DIO2: variants seen among roughly 807,000 people sequenced by gnomAD.
DIO2 encodes the protein type II iodothyronine deiodinase.
In DIO2, 19 loss-of-function variants were observed where a neutral mutation model predicts 21.4. The observed-to-expected ratio is 0.89, with a 90% CI of 0.62 to 1.30. DIO2 has a LOEUF of 1.30. Among genes scored for constraint, DIO2 ranks in the 50% most tolerant of loss-of-function variants. The pLI is 0.00. For missense variants in DIO2, 302 were observed against 338.1 expected, an observed-to-expected ratio of 0.89 and a Z score of 0.84; for synonymous variants, 122 against 132.9, an observed-to-expected ratio of 0.92 and a Z score of 0.57.
intron 2 of DIO2, among the ~76,000 whole-genome samples, chr14:80,224,759 T>A (rs1046825512): frequency 3.3e-5 from 5 of 152,210 alleles, no homozygotes; most frequent in African/African-American, 1.2e-4. Context: ...TGTTCCTGTT[T>A]TGTAAAAACT....
Position 80,201,507 on chromosome 14 carries a change from A to T in DIO2, c.*1182T>A, listed in dbSNP as rs1887722484. 6.6e-6 allele frequency: 1 copy of T among 152,166 alleles called. No homozygotes were observed. The highest frequency in any genetic ancestry group is 2.4e-5 in the African/African-American group (1 of 41,432). 9.4% of individuals were successfully genotyped at this position (152,166 alleles called of 1,614,324 possible). On this transcript the variant is annotated 3_prime_UTR_variant, in exon 2 of 2. Coordinates refer to ENST00000438257, the MANE Select transcript of DIO2 (RefSeq NM_013989.5). ...TACATATATTTGTATGTATGTATGT[A>T]TGTGTGTATGTACGTATAATTTCTT...
chr14:80,228,811 A>G lies in DIO2; in HGVS notation c.-277-12074T>C, dbSNP rs147344227. Among the ~76,000 whole-genome samples the G allele has an allele frequency of 2.5e-4, 38 of 152,280 alleles. No individual in the cohort carries two copies. In the East Asian group the frequency reaches 6.0e-3, roughly 24 times the overall value. ...AAACTCGATTAATTATCTGACCTCTATAAGTCCCTACTTTAACTGGAGGAC... is the reference window on the plus strand; with the variant it reads ...AAACTCGATTAATTATCTGACCTCTGTAAGTCCCTACTTTAACTGGAGGAC... On this transcript the variant is annotated intron_variant, in intron 2 of 4. Transcript: ENST00000553594.
At position 80,201,794 on chromosome 14, in the gene DIO2, C is replaced by T. The variant is rs1887734906; in HGVS notation, c.*895G>A. The T allele has an allele frequency of 6.6e-6, 1 of 152,130 alleles. No homozygotes were observed. The highest frequency in any genetic ancestry group is 2.4e-5 in the African/African-American group (1 of 41,414). The allele number at this position is 152,130 out of a possible 1,614,324, so 9.4% of individuals were successfully genotyped here. A position where few individuals can be genotyped will look rare whatever the true frequency, so the allele number is the denominator to read the frequency against. ...TTTTTCTTTCAATCACCCCTTTCTC[C>T]TCTCTAGGAGCATATGACAAATATA... On this transcript the variant is annotated 3_prime_UTR_variant, in exon 2 of 2. Coordinates refer to ENST00000438257, the MANE Select transcript of DIO2 (RefSeq NM_013989.5).
chr14:80,229,244 A>G (rs926161157), intron 2 of DIO2, among the ~76,000 whole-genome samples: 7 of 141,906 alleles, frequency 4.9e-5, no homozygotes, highest in Admixed American at 3.5e-4. Context: ...TAATTAGCCA[A>G]TGCCAGAGCT....
upstream of DIO2, chr14:80,211,747 T>C (rs1413541862): frequency 7.8e-6 from 1 of 128,566 alleles, no homozygotes; most frequent in African/African-American, 3.6e-5. Flanking sequence ...TTTTTTTTTT[T>C]TTTTTTTTTT....
At chr14:80,215,700 G>A (rs1888334669), upstream of DIO2, among the ~76,000 whole-genome samples, 1 of 152,232 alleles carries the variant, frequency 6.6e-6, no homozygotes, top group Non-Finnish European at 1.5e-5. Context: ...CAGGCATGCT[G>A]ATTTTGGATT....
At chr14:80,215,903 C>A (rs1273423660), upstream of DIO2, 1 of 152,290 alleles carries the variant, frequency 6.6e-6, no homozygotes, top group Non-Finnish European at 1.5e-5. Flanking sequence ...CAGCCGTGTT[C>A]TCTGCCTTGT....
Position 80,211,448 on chromosome 14 carries a change from G to A in DIO2, c.25C>T (p.Leu9=). Residue 9 remains leucine (L), a synonymous_variant, in exon 1 of 2, where the codon CTG becomes TTG. Coordinates refer to ENST00000438257, the MANE Select transcript of DIO2 (RefSeq NM_013989.5). MGILSVDL[L]ITLQILPVFF... Reference sequence around the variant, plus strand: ...ACTGGCAGAATTTGCAGTGTGATCAGCAAGTCTACGCTGAGGATGCCCATC... The same window carrying A: ...ACTGGCAGAATTTGCAGTGTGATCAACAAGTCTACGCTGAGGATGCCCATC... 2 of 1,611,044 alleles carry A rather than the reference G, an allele frequency of 1.2e-6. No individual in the cohort carries two copies. The highest frequency in any genetic ancestry group is 1.7e-6 in the Non-Finnish European group (2 of 1,178,836).
intron 2 of DIO2, among the ~76,000 whole-genome samples, chr14:80,228,368 A>G (rs1301890252): frequency 6.6e-6 from 1 of 152,208 alleles, no homozygotes; most frequent in African/African-American, 2.4e-5. Flanking sequence ...ATGAAACCAC[A>G]TCTGGTACAG....
chr14:80,206,837 G>C (rs1322385971), intron 1 of DIO2, among the ~76,000 whole-genome samples: 1 of 152,044 alleles, frequency 6.6e-6, no homozygotes, highest in Non-Finnish European at 1.5e-5. Context: ...GCATTCAAAA[G>C]GCATTTTTTA....
chr14:80,202,578 C>T lies in DIO2; in HGVS notation c.*111G>A, dbSNP rs900525756. On this transcript the variant is annotated 3_prime_UTR_variant, in exon 2 of 2. Coordinates refer to ENST00000438257, the MANE Select transcript of DIO2 (RefSeq NM_013989.5). ...GATTCATGTTCTTCCGATAGATAAA[C>T]TCCTGTCTTTCAGTAAGCCAATAGG... 9.7e-6 allele frequency: 11 copies of T among 1,133,558 alleles called. No individual in the cohort carries two copies. In the African/African-American group the frequency reaches 1.7e-4, roughly 18 times the overall value. 70.2% of individuals were successfully genotyped at this position (1,133,558 alleles called of 1,614,324 possible). A position where few individuals can be genotyped will look rare whatever the true frequency, so the allele number is the denominator to read the frequency against.
At position 80,201,475 on chromosome 14, in the gene DIO2, A is replaced by G. The variant is rs1594871748; in HGVS notation, c.*1214T>C. Reference sequence around the variant, plus strand: ...TACCTACCTCCCGCAGCAGCTGAGAATATATATACATATATTTGTATGTAT... The same window carrying G: ...TACCTACCTCCCGCAGCAGCTGAGAGTATATATACATATATTTGTATGTAT... On this transcript the variant is annotated 3_prime_UTR_variant, in exon 2 of 2. Transcript: ENST00000438257. The G allele has an allele frequency of 1.3e-5, 2 of 152,248 alleles. No individual in the cohort carries two copies. Among genetic ancestry groups the G allele is most frequent in the South Asian group, 2.1e-4 (1 of 4,822 alleles). The allele number at this position is 152,248 out of a possible 1,614,324, so 9.4% of individuals were successfully genotyped here.
upstream of DIO2, among the ~76,000 whole-genome samples, chr14:80,213,282 T>C (rs1782858152): frequency 6.6e-6 from 1 of 152,176 alleles, no homozygotes; most frequent in Non-Finnish European, 1.5e-5. Flanking sequence ...TTCTCAGTGA[T>C]AGATACTGAG....
At chr14:80,205,401 C>T (rs1289203328) in intron 1 of DIO2, among the ~76,000 whole-genome samples, 7 of 152,160 alleles carry the variant, frequency 4.6e-5, no homozygotes, top group Admixed American at 2.0e-4. Flanking sequence ...AACCTGTACA[C>T]TTGTAGGTTC....
intron 2 of DIO2, among the ~76,000 whole-genome samples, chr14:80,228,457 C>G (rs1057285146): frequency 6.6e-6 from 1 of 152,216 alleles, no homozygotes; most frequent in Admixed American, 6.5e-5. Context: ...GTCTTCTACA[C>G]AGACCAAATG....
intron 2 of DIO2, among the ~76,000 whole-genome samples, chr14:80,228,323 C>T (rs1313114832): frequency 6.6e-6 from 1 of 152,182 alleles, no homozygotes; most frequent in Admixed American, 6.5e-5. Context: ...TGGTTGCATA[C>T]CAGGTACCAG....
intron 2 of DIO2, among the ~76,000 whole-genome samples, chr14:80,218,305 A>C (rs1403912802): frequency 6.6e-6 from 1 of 152,082 alleles, no homozygotes; most frequent in African/African-American, 2.4e-5. Flanking sequence ...AACCCTTTCT[A>C]CTTAACTTGA....
At chr14:80,216,965 A>G (rs1160252918) in intron 2 of DIO2, among the ~76,000 whole-genome samples, 4 of 152,194 alleles carry the variant, frequency 2.6e-5, no homozygotes, top group Non-Finnish European at 5.9e-5. Flanking sequence ...AAATGTGAAC[A>G]CCAAGCATGA....
intron 1 of DIO2, among the ~76,000 whole-genome samples, chr14:80,208,342 T>A (rs557166658): frequency 6.6e-6 from 1 of 152,310 alleles, no homozygotes; most frequent in East Asian, 1.9e-4. Flanking sequence ...ATAAAGTTAA[T>A]TCAAATCCCT....
Sources: gnomAD v4.1 joint callset for allele counts (sites outside exome capture counted in the v4.1 genomes callset) on GRCh38, gnomAD v4.1.1 for gene constraint, MANE v1.5 for transcripts, NCBI Gene and HGNC (gene_info 2026-07-23, HGNC 2026-07-21) for gene names.